The following KCNAB1 variants were observed in gnomAD, a reference collection of about 807,000 sequenced individuals.
KCNAB1 encodes the protein potassium voltage-gated channel subfamily A regulatory beta subunit 1.
A neutral mutation model predicts 64.6 loss-of-function variants in KCNAB1; 35 were observed. That is an observed-to-expected ratio of 0.54 (90% CI 0.41 to 0.72). The LOEUF (loss-of-function observed/expected upper bound fraction) is 0.72, where lower values mean the gene tolerates loss of function less well. KCNAB1 is among the 30% of genes least tolerant of loss of function. The probability of loss-of-function intolerance (pLI) is 0.00; values close to 1 mark genes in which losing one functional copy is unlikely to be tolerated. For synonymous variants in KCNAB1, 177 were observed against 183.8 expected (o/e 0.96, Z 0.30); for missense variants, 401 against 512.9 (o/e 0.78, Z 2.11).
At position 156,474,840 on chromosome 3, in the gene KCNAB1, A is replaced by C. The variant is rs1203487187; in HGVS notation, c.658+20A>C. 6.4e-7 allele frequency: 1 copy of C among 1,566,146 alleles called. No homozygotes were observed. Among genetic ancestry groups the C allele is most frequent in the South Asian group, 1.1e-5 (1 of 90,022 alleles). ...TGGAAGGTAAGTTAAGAAAGCTAAT[A>C]AAATACTCTAGAAATCTTGATTCAG... is the stretch of plus-strand genomic sequence containing the variant. On this transcript the variant is annotated intron_variant, in intron 8 of 13. Transcript: ENST00000490337.
chr3:156,390,533 TTTCC>T (rs149026130), intron 1 of KCNAB1, among the ~76,000 whole-genome samples: 7 of 150,824 alleles, frequency 4.6e-5, no homozygotes, highest in Admixed American at 6.6e-5. Flanking sequence ...TTGTGGTTGG[TTTCC>T]TTCCTTCCTT....
At chr3:156,379,809 G>A (rs1343304273) in intron 1 of KCNAB1, among the ~76,000 whole-genome samples, 1 of 152,176 alleles carries the variant, frequency 6.6e-6, no homozygotes, top group East Asian at 1.9e-4. Context: ...GAGGCACAGA[G>A]ACTCTTGGGA....
intron 1 of KCNAB1, among the ~76,000 whole-genome samples, chr3:156,294,047 A>T (rs1407514417): frequency 6.6e-6 from 1 of 152,238 alleles, no homozygotes; most frequent in East Asian, 1.9e-4. Flanking sequence ...TTCTTGAGGC[A>T]GAGTTTCATA....
intron 1 of KCNAB1, among the ~76,000 whole-genome samples, chr3:156,411,668 G>C (rs561775353): frequency 6.6e-6 from 1 of 152,084 alleles, no homozygotes; most frequent in South Asian, 2.1e-4. Flanking sequence ...TTAGTTAACT[G>C]TACTTGTGTG....
At chr3:156,445,506 G>A (rs1376660805) in intron 2 of KCNAB1, among the ~76,000 whole-genome samples, 4 of 152,116 alleles carry the variant, frequency 2.6e-5, no homozygotes, top group Non-Finnish European at 4.4e-5. Context: ...TATCCCCCCA[G>A]GATATTCAAA....
chr3:156,149,623 C>T (rs902746239), intron 1 of KCNAB1, among the ~76,000 whole-genome samples: 5 of 152,164 alleles, frequency 3.3e-5, no homozygotes, highest in African/African-American at 1.2e-4. Context: ...TCCCTCCCTC[C>T]TCTCATCCCC....
chr3:156,342,490 T>C (rs1454694114), intron 1 of KCNAB1, among the ~76,000 whole-genome samples: 1 of 150,900 alleles, frequency 6.6e-6, no homozygotes, highest in African/African-American at 2.4e-5. Flanking sequence ...CTTTTAAAAA[T>C]ACCCATGCAC....
At chr3:156,533,019 T>TA (rs1718810288) in intron 13 of KCNAB1, among the ~76,000 whole-genome samples, 1 of 152,174 alleles carries the variant, frequency 6.6e-6, no homozygotes, top group South Asian at 2.1e-4. Flanking sequence ...ATCTATCCCT[T>TA]AATTCATTCA....
chr3:156,246,284 C>T (rs1377106131), intron 1 of KCNAB1, among the ~76,000 whole-genome samples: 2 of 152,086 alleles, frequency 1.3e-5, no homozygotes, highest in African/African-American at 2.4e-5. Context: ...CTGTATGAGA[C>T]TATCAAAACC....
chr3:156,250,526 G>A (rs979962053), intron 1 of KCNAB1, among the ~76,000 whole-genome samples: 2 of 152,180 alleles, frequency 1.3e-5, no homozygotes, highest in Non-Finnish European at 2.9e-5. Context: ...TCCAAAAAAT[G>A]TGATGTCCCC....
At chr3:156,168,130 G>A (rs1457198722) in intron 1 of KCNAB1, among the ~76,000 whole-genome samples, 1 of 152,124 alleles carries the variant, frequency 6.6e-6, no homozygotes, top group Non-Finnish European at 1.5e-5. Context: ...ATGGACCCGG[G>A]ATGCAGAGGT....
chr3:156,226,791 C>G (rs966166722), intron 1 of KCNAB1, among the ~76,000 whole-genome samples: 4 of 152,172 alleles, frequency 2.6e-5, no homozygotes, highest in African/African-American at 7.2e-5. Context: ...TTTCAGGAAA[C>G]ACCCCACAGC....
intron 13 of KCNAB1, among the ~76,000 whole-genome samples, chr3:156,532,270 G>C (rs1434326178): frequency 6.6e-6 from 1 of 152,136 alleles, no homozygotes; most frequent in Non-Finnish European, 1.5e-5. Flanking sequence ...TGGGTTGAAA[G>C]GATGTTCCTG....
chr3:156,419,407 A>C (rs1011321284), intron 1 of KCNAB1, among the ~76,000 whole-genome samples: 1 of 151,328 alleles, frequency 6.6e-6, no homozygotes, highest in Non-Finnish European at 1.5e-5. Context: ...AGGCTGAGGC[A>C]GGAGAGTGGC....
At chr3:156,241,638 GT>G (rs1298174315) in intron 1 of KCNAB1, among the ~76,000 whole-genome samples, 1 of 152,156 alleles carries the variant, frequency 6.6e-6, no homozygotes, top group African/African-American at 2.4e-5. Flanking sequence ...CTGGGGCTGC[GT>G]GCTTCTGTGG....
chr3:156,459,966 G>C (rs1206423304), intron 5 of KCNAB1, 95 bp downstream of exon 5: 2 of 830,744 alleles, frequency 2.4e-6, no homozygotes, highest in Non-Finnish European at 3.9e-6. Flanking sequence ...CCAAAAGGCT[G>C]TCAAAAAAAA....
intron 1 of KCNAB1, among the ~76,000 whole-genome samples, chr3:156,244,967 C>T (rs116323273): frequency 0.014 from 2,136 of 152,322 alleles, 51 homozygotes; most frequent in African/African-American, 0.049. Flanking sequence ...TGGCCACGTA[C>T]AGAAGAAGGA....
chr3:156,398,107 C>T (rs1230708684), intron 1 of KCNAB1, among the ~76,000 whole-genome samples: 1 of 152,094 alleles, frequency 6.6e-6, no homozygotes, highest in Non-Finnish European at 1.5e-5. Context: ...GGCTGGAAAC[C>T]ATTATCCTCA....
intron 2 of KCNAB1, among the ~76,000 whole-genome samples, chr3:156,440,609 T>C (rs965474291): frequency 6.6e-6 from 1 of 152,200 alleles, no homozygotes; most frequent in African/African-American, 2.4e-5. Context: ...TTGCATATAA[T>C]TACTGCAAAG....
Sources: gnomAD v4.1 joint callset for allele counts (sites outside exome capture counted in the v4.1 genomes callset) on GRCh38, gnomAD v4.1.1 for gene constraint, MANE v1.5 for transcripts, NCBI Gene and HGNC (gene_info 2026-07-23, HGNC 2026-07-21) for gene names.